PARM1: variants seen among roughly 807,000 people sequenced by gnomAD.
PARM1 encodes WSC4, cell wall integrity and stress response component 4 homolog.
PARM1 carries 14 observed loss-of-function variants against 24.6 expected under a neutral mutation model. The ratio of observed to expected loss-of-function variants is 0.57; its 90% CI spans 0.38 to 0.89. The LOEUF is 0.89. Among genes scored for constraint, PARM1 ranks in the 40% least tolerant of loss-of-function variants. The pLI, the probability that PARM1 is intolerant of heterozygous loss-of-function variation, is 0.00. For synonymous variants in PARM1, 179 were observed against 156.6 expected, an observed-to-expected ratio of 1.14 and a Z score of -1.07; for missense variants, 362 against 380.4, an observed-to-expected ratio of 0.95 and a Z score of 0.40.
chr4:75,025,988 C>T lies in PARM1; in HGVS notation c.770-7895C>T, dbSNP rs190433578. Among the ~76,000 whole-genome samples, 9 of 152,322 alleles carry T rather than the reference C, an allele frequency of 5.9e-5. No homozygotes were observed. In the East Asian group the frequency reaches 1.4e-3, roughly 23 times the overall value. ...TTTTATAAAGTTTACCTCTGCCACTCTGTGTAAACAAATGACTGGTAGCTT... is the reference window on the plus strand; with the variant it reads ...TTTTATAAAGTTTACCTCTGCCACTTTGTGTAAACAAATGACTGGTAGCTT... On this transcript the variant is annotated intron_variant, in intron 2 of 3. Transcript: ENST00000307428.
At chr4:75,011,648 A>G (rs1201118293) in intron 1 of PARM1, among the ~76,000 whole-genome samples, 1 of 152,210 alleles carries the variant, frequency 6.6e-6, no homozygotes, top group Non-Finnish European at 1.5e-5. Flanking sequence ...GGAAGAATGG[A>G]AACTAGCTGT....
chr4:75,029,905 T>G (rs1723245458), intron 2 of PARM1, among the ~76,000 whole-genome samples: 1 of 152,216 alleles, frequency 6.6e-6, no homozygotes, highest in South Asian at 2.1e-4. Context: ...GGTAATCTTT[T>G]TTAAGCTAAA....
chr4:74,971,735 A>G (rs994552352), intron 1 of PARM1, among the ~76,000 whole-genome samples: 19 of 152,318 alleles, frequency 1.2e-4, no homozygotes, highest in East Asian at 1.9e-4. Flanking sequence ...TGCACACTCC[A>G]TCACCTACTT....
intron 1 of PARM1, among the ~76,000 whole-genome samples, chr4:74,943,030 C>T (rs1481320074): frequency 6.6e-6 from 1 of 152,214 alleles, no homozygotes; most frequent in Non-Finnish European, 1.5e-5. Context: ...AGTCCTCTGT[C>T]TGGAGTATGC....
At chr4:75,015,293 T>C (rs1415512916) in intron 2 of PARM1, among the ~76,000 whole-genome samples, 2 of 152,198 alleles carry the variant, frequency 1.3e-5, no homozygotes, top group African/African-American at 4.8e-5. Flanking sequence ...TCCTCAACTC[T>C]AGGCCAGCAG....
chr4:74,967,707 C>A (rs1721934501), intron 1 of PARM1: 1 of 152,180 alleles, frequency 6.6e-6, no homozygotes, highest in Non-Finnish European at 1.5e-5. Flanking sequence ...GTCACAAAAT[C>A]CAACCAAATA....
At chr4:74,944,044 G>C (rs1463454053) in intron 1 of PARM1, among the ~76,000 whole-genome samples, 1 of 152,198 alleles carries the variant, frequency 6.6e-6, no homozygotes, top group African/African-American at 2.4e-5. Flanking sequence ...GCTGAGGTGG[G>C]GGAAGGAAGC....
chr4:74,948,364 A>G lies in PARM1; in HGVS notation c.43+14994A>G, dbSNP rs549391218. Among the ~76,000 whole-genome samples, 26 of 152,316 alleles carry G rather than the reference A, an allele frequency of 1.7e-4. No homozygotes were observed. In the South Asian group the frequency reaches 5.4e-3, roughly 32 times the overall value. ...TAGTCCCCTGACTTCAGGAACTCCA[A>G]AGCCTCTTCAAGCTTGTTCACCAGC... On this transcript the variant is annotated intron_variant, in intron 1 of 3. Transcript: ENST00000307428.
At chr4:75,009,586 T>A (rs1202487680) in intron 1 of PARM1, among the ~76,000 whole-genome samples, 1 of 152,174 alleles carries the variant, frequency 6.6e-6, no homozygotes, top group African/African-American at 2.4e-5. Flanking sequence ...TAAGCAAGAA[T>A]CTTGCCCTCA....
At chr4:74,955,268 T>C (rs1227116681) in intron 1 of PARM1, among the ~76,000 whole-genome samples, 1 of 152,026 alleles carries the variant, frequency 6.6e-6, no homozygotes, top group East Asian at 1.9e-4. Context: ...TATTTAGCAG[T>C]TGTGGTAAGG....
chr4:75,004,206 G>A (rs754780216), intron 1 of PARM1, among the ~76,000 whole-genome samples: 1 of 152,174 alleles, frequency 6.6e-6, no homozygotes, highest in Non-Finnish European at 1.5e-5. Context: ...TTTTCAAAGG[G>A]TAGAAAATCC....
chr4:75,033,879 A>C lies in PARM1; in HGVS notation c.770-4A>C. 2 of 1,593,476 alleles carry C rather than the reference A, an allele frequency of 1.3e-6. No individual in the cohort carries two copies. Among genetic ancestry groups the C allele is most frequent in the Non-Finnish European group, 1.7e-6 (2 of 1,169,726 alleles). On this transcript the variant is annotated splice_polypyrimidine_tract_variant and splice_region_variant and intron_variant, in intron 2 of 3. Transcript: ENST00000307428. The stretch of plus-strand genomic sequence containing the variant: ...TTCTTTTCTGTGCCCTTCCTCCTTC[A>C]CAGGCAGCATCGCCGCCATTACCGT...
chr4:74,951,054 G>GA (rs1302202870), intron 1 of PARM1, among the ~76,000 whole-genome samples: 3 of 152,220 alleles, frequency 2.0e-5, no homozygotes, highest in African/African-American at 7.2e-5. Flanking sequence ...CTTTAATGTT[G>GA]CTCCTTGGAG....
At position 75,012,724 on chromosome 4, in the gene PARM1, G is replaced by A. The variant is rs1389763301; in HGVS notation, c.343G>A (p.Gly115Arg). The change falls in exon 2 of 4, where the codon GGA becomes AGA. Residue 115 changes from glycine (G) to arginine (R), a missense_variant. Transcript: ENST00000307428. ...SPSGFSSTSG[G>R]VHLTTTLEEH... ...TTCTGGGTTCTCGTCAACAAGCGGT[G>A]GAGTCCACTTAACAACCACGTTGGA... 7 of 1,613,950 alleles carry A rather than the reference G, an allele frequency of 4.3e-6. No individual in the cohort carries two copies. In the South Asian group the frequency reaches 7.7e-5, roughly 18 times the overall value.
intron 1 of PARM1, among the ~76,000 whole-genome samples, chr4:74,963,758 A>G (rs1251135094): frequency 6.6e-6 from 1 of 152,240 alleles, no homozygotes; most frequent in East Asian, 1.9e-4. Flanking sequence ...TTGTGAATGT[A>G]ATTAATGCCA....
chr4:74,953,395 C>G (rs1345923363), intron 1 of PARM1, among the ~76,000 whole-genome samples: 1 of 152,082 alleles, frequency 6.6e-6, no homozygotes, highest in East Asian at 1.9e-4. Flanking sequence ...AAACAAAGCT[C>G]CTTGATGAGA....
At chr4:75,038,173 C>G (rs1446534441) in intron 3 of PARM1, among the ~76,000 whole-genome samples, 1 of 152,066 alleles carries the variant, frequency 6.6e-6, no homozygotes, top group Non-Finnish European at 1.5e-5. Flanking sequence ...CCTTGGCCTT[C>G]CAAAGTGCTG....
intron 1 of PARM1, among the ~76,000 whole-genome samples, chr4:74,935,745 C>T (rs1721168456): frequency 6.6e-6 from 1 of 152,158 alleles, no homozygotes; most frequent in South Asian, 2.1e-4. Flanking sequence ...ATAGTATTTC[C>T]TCCAGCACAT....
chr4:74,964,122 G>A (rs1387408155), intron 1 of PARM1, among the ~76,000 whole-genome samples: 2 of 152,206 alleles, frequency 1.3e-5, no homozygotes, highest in East Asian at 3.8e-4. Flanking sequence ...ACATGGGCAT[G>A]GTTGTGTAGG....
Sources: allele counts gnomAD v4.1 joint callset (sites outside exome capture counted in the v4.1 genomes callset), GRCh38; gene constraint gnomAD v4.1.1; transcripts MANE v1.5; gene names NCBI Gene and HGNC (gene_info 2026-07-23, HGNC 2026-07-21).